Variants in LRRC4C observed in about 807,000 individuals in gnomAD.
LRRC4C encodes the protein leucine-rich repeat-containing protein 4C.
A neutral mutation model predicts 33.6 loss-of-function variants in LRRC4C; 5 were observed. The ratio of observed to expected loss-of-function variants is 0.15; its 90% CI spans 0.08 to 0.31. The LOEUF (loss-of-function observed/expected upper bound fraction) is 0.31. Among genes scored for constraint, LRRC4C ranks in the 10% least tolerant of loss-of-function variants. The pLI is 1.00. For missense variants in LRRC4C, 560 were observed against 796.7 expected, an observed-to-expected ratio of 0.70 and a Z score of 3.58; for synonymous variants, 329 against 302.0, an observed-to-expected ratio of 1.09 and a Z score of -0.93.
chr11:40,876,153 C>A (rs1430875341), intron 2 of LRRC4C, among the ~76,000 whole-genome samples: 1 of 151,794 alleles, frequency 6.6e-6, no homozygotes, highest in Non-Finnish European at 1.5e-5. Context: ...CTTTTAAGGC[C>A]ACTGTCATTT....
At chr11:41,159,538 A>G (rs1175088567) in intron 1 of LRRC4C, among the ~76,000 whole-genome samples, 1 of 152,156 alleles carries the variant, frequency 6.6e-6, no homozygotes, top group African/African-American at 2.4e-5. Flanking sequence ...ATTTTTTAAA[A>G]TACCATAAAC....
At chr11:40,860,688 C>T (rs138638732) in intron 2 of LRRC4C, among the ~76,000 whole-genome samples, 29 of 152,030 alleles carry the variant, frequency 1.9e-4, no homozygotes, top group African/African-American at 6.8e-4. Flanking sequence ...TACCCCAACT[C>T]CTCCAGGATA....
At position 41,256,205 on chromosome 11, in the gene LRRC4C, A is replaced by G. The variant is rs188662070; in HGVS notation, c.-496+203226T>C. Among the ~76,000 whole-genome samples the G allele has an allele frequency of 2.3e-3, 343 of 152,086 alleles. 1 individual carries two copies. Among genetic ancestry groups the G allele is most frequent in the Non-Finnish European group, 4.1e-3 (276 of 67,928 alleles). The stretch of plus-strand genomic sequence containing the variant: ...ACAGTATTGCTGCCAACACTCCCGC[A>G]TAGCTCAGTCACCCCGGGTGATAAC... On this transcript the variant is annotated intron_variant, in intron 1 of 6. Transcript: ENST00000528697.
chr11:40,650,882 A>C (rs777122771), intron 2 of LRRC4C, among the ~76,000 whole-genome samples: 1 of 152,116 alleles, frequency 6.6e-6, no homozygotes, highest in Non-Finnish European at 1.5e-5. Context: ...TTGTTCCCAA[A>C]AATAGCCAGC....
At chr11:41,044,220 T>G (rs1205147350) in intron 1 of LRRC4C, among the ~76,000 whole-genome samples, 1 of 152,002 alleles carries the variant, frequency 6.6e-6, no homozygotes, top group East Asian at 1.9e-4. Flanking sequence ...TCTAGTAACA[T>G]GAAAAAGAAT....
At chr11:41,219,719 T>C (rs1947220890) in intron 1 of LRRC4C, among the ~76,000 whole-genome samples, 1 of 152,244 alleles carries the variant, frequency 6.6e-6, no homozygotes, top group Admixed American at 6.5e-5. Context: ...TTCAGCTCCC[T>C]CTGCTCAATC....
At chr11:40,776,397 T>G (rs12293438) in intron 2 of LRRC4C, among the ~76,000 whole-genome samples, 2,911 of 152,180 alleles carry the variant, frequency 0.019, 90 homozygotes, top group African/African-American at 0.064. Context: ...TTATGATTGA[T>G]TCCATTTTGA....
At chr11:41,241,953 T>C (rs1948267958) in intron 1 of LRRC4C, among the ~76,000 whole-genome samples, 1 of 152,180 alleles carries the variant, frequency 6.6e-6, no homozygotes, top group Admixed American at 6.5e-5. Flanking sequence ...AGTTGGCTAA[T>C]AAAGTTATTA....
intron 1 of LRRC4C, among the ~76,000 whole-genome samples, chr11:41,131,314 C>G (rs1943001373): frequency 6.6e-6 from 1 of 152,030 alleles, no homozygotes; most frequent in African/African-American, 2.4e-5. Flanking sequence ...TCTCTCCATT[C>G]ATCCCATTCA....
intron 1 of LRRC4C, among the ~76,000 whole-genome samples, chr11:41,218,695 C>A (rs1205009420): frequency 1.3e-5 from 2 of 150,328 alleles, no homozygotes; most frequent in African/African-American, 4.9e-5. Flanking sequence ...ATAATAGATT[C>A]TATGTTGTTT....
At chr11:40,756,754 C>G (rs897660755) in intron 2 of LRRC4C, among the ~76,000 whole-genome samples, 1 of 152,022 alleles carries the variant, frequency 6.6e-6, no homozygotes, top group African/African-American at 2.4e-5. Context: ...AACATTTTCA[C>G]AAATATTACC....
intron 3 of LRRC4C, among the ~76,000 whole-genome samples, chr11:40,586,888 T>C (rs1387439789): frequency 6.6e-6 from 1 of 152,226 alleles, no homozygotes; most frequent in Admixed American, 6.5e-5. Context: ...CCTTGTAGTA[T>C]AGTTTGAAGT....
intron 3 of LRRC4C, among the ~76,000 whole-genome samples, chr11:40,418,243 A>G (rs1436177937): frequency 6.6e-6 from 1 of 152,194 alleles, no homozygotes; most frequent in African/African-American, 2.4e-5. Context: ...CAGAATCTAC[A>G]TGGAACTTAA....
intron 1 of LRRC4C, among the ~76,000 whole-genome samples, chr11:41,383,398 T>A (rs973241756): frequency 7.9e-5 from 12 of 152,072 alleles, no homozygotes; most frequent in Admixed American, 7.9e-4. Flanking sequence ...GCCTCTCATA[T>A]CACAAACTAA....
chr11:41,138,286 G>A (rs572663348), intron 1 of LRRC4C, among the ~76,000 whole-genome samples: 7 of 152,216 alleles, frequency 4.6e-5, no homozygotes, highest in African/African-American at 7.2e-5. Flanking sequence ...TACAGGTAAC[G>A]CAATTGCTTC....
Position 40,116,168 on chromosome 11 carries a change from A to G in LRRC4C, c.125T>C (p.Val42Ala). The change falls in exon 7 of 7, where the codon GTG (valine) becomes GCG (alanine). Residue 42 changes from valine (V) to alanine (A), a missense_variant. Val to Ala is a moderately conservative substitution (Grantham distance 64). Coordinates refer to ENST00000528697, the MANE Select transcript of LRRC4C (RefSeq NM_001258419.2). ...ALQLLVVAGL[V>A]RAQTCPSVCS... ...CACAGAAGGGCAGGTCTGAGCCCGC[A>G]CCAGACCAGCCACCACAAGAAGTTG... 6.2e-7 allele frequency: 1 copy of G among 1,613,838 alleles called. No individual in the cohort carries two copies. The highest frequency in any genetic ancestry group is 2.2e-5 in the East Asian group (1 of 44,840).
chr11:40,355,317 C>T (rs1376366548), intron 3 of LRRC4C, among the ~76,000 whole-genome samples: 1 of 152,116 alleles, frequency 6.6e-6, no homozygotes, highest in Non-Finnish European at 1.5e-5. Context: ...CTCCCTTAGC[C>T]ACCACTGCTG....
At chr11:40,508,896 A>C (rs905810081) in intron 3 of LRRC4C, among the ~76,000 whole-genome samples, 1 of 152,180 alleles carries the variant, frequency 6.6e-6, no homozygotes, top group Non-Finnish European at 1.5e-5. Context: ...CTATTAAATT[A>C]AAATAAGGAA....
intron 2 of LRRC4C, among the ~76,000 whole-genome samples, chr11:40,653,320 T>C (rs1289897979): frequency 6.6e-6 from 1 of 152,212 alleles, no homozygotes; most frequent in Non-Finnish European, 1.5e-5. Flanking sequence ...TGAATGACTT[T>C]GACCAAAATT....
Sources: gnomAD v4.1 joint callset for allele counts (sites outside exome capture counted in the v4.1 genomes callset) on GRCh38, gnomAD v4.1.1 for gene constraint, MANE v1.5 for transcripts, NCBI Gene and HGNC (gene_info 2026-07-23, HGNC 2026-07-21) for gene names.